Variants in CCDC186 observed in about 807,000 individuals in gnomAD.
The protein encoded by CCDC186 is coiled-coil domain containing 186, also known as coiled-coil domain-containing protein 186.
A neutral mutation model predicts 113.7 loss-of-function variants in CCDC186; 49 were observed. That is an observed-to-expected ratio of 0.43 (90% CI 0.34 to 0.55). The LOEUF (loss-of-function observed/expected upper bound fraction) is 0.55. Among genes scored for constraint, CCDC186 ranks in the 20% least tolerant of loss-of-function variants. The pLI is 0.02. For missense variants in CCDC186, 890 were observed against 1,011.1 expected (o/e 0.88, Z 1.62); for synonymous variants, 355 against 345.8 (o/e 1.03, Z -0.30).
chr10:114,161,713 G>A (rs1397933046), intron 2 of CCDC186: 1 of 152,142 alleles, frequency 6.6e-6, no homozygotes, highest in East Asian at 1.9e-4. Flanking sequence ...GAAGGGCCTT[G>A]GAGTCTTGAA....
Position 114,127,519 on chromosome 10 carries a change from T to A in CCDC186, c.2335A>T (p.Ile779Leu), listed in dbSNP as rs767718072. 31 of 1,614,114 alleles carry A rather than the reference T, an allele frequency of 1.9e-5. No individual in the cohort carries two copies. The South Asian group carries it at 3.2e-4, about 17-fold the overall frequency. Residue 779 changes from isoleucine (I) to leucine (L), a missense_variant, in exon 14 of 16, where the codon ATA (isoleucine) becomes TTA (leucine). Transcript: ENST00000369287. The stretch of plus-strand genomic sequence containing the variant: ...TTGATGTGGTCCTCCATAAATTCTA[T>A]CTTTTCATTTTTCCGGGCATGTGCT... ...QKAHARKNEKIEFMEDHIKQL... is the reference protein window; with the variant it reads ...QKAHARKNEKLEFMEDHIKQL...
chr10:114,169,239 T>C (rs2032422620), intron 1 of CCDC186, among the ~76,000 whole-genome samples: 1 of 145,568 alleles, frequency 6.9e-6, no homozygotes, highest in African/African-American at 2.6e-5. Flanking sequence ...CCATTCTTTT[T>C]TTTTTTTTTT....
chr10:114,164,114 A>ATTT lies in CCDC186; in HGVS notation c.-61-788_-61-786dup, dbSNP rs35615169. Among the ~76,000 whole-genome samples, 142 of 79,216 alleles carry ATTT rather than the reference A, an allele frequency of 1.8e-3. 2 individuals carry two copies. Among genetic ancestry groups the ATTT allele is most frequent in the African/African-American group, 4.4e-3 (90 of 20,536 alleles). 52.0% of individuals were successfully genotyped at this position (79,216 alleles called of 152,430 possible). ...TGTGTGTGTGTGTGTATATATATAT[A>ATTT]TTTTTTTTTTTTTTTTTTTTTTTGG... On this transcript the variant is annotated intron_variant, in intron 1 of 15. Transcript: ENST00000369287.
chr10:114,149,778 CAGGAAGGCAGGA>C (rs1564912948), intron 4 of CCDC186, among the ~76,000 whole-genome samples: 7 of 14,508 alleles, frequency 4.8e-4, no homozygotes, highest in East Asian at 0.014. Flanking sequence ...GGAAGGAAGG[CAGGAAGGCAGGA>C]AGGAAGGAAG....
chr10:114,172,637 C>A (rs78097675), intron 1 of CCDC186, among the ~76,000 whole-genome samples: 2,503 of 152,260 alleles, frequency 0.016, 69 homozygotes, highest in African/African-American at 0.055. Context: ...CAGGGAGAAT[C>A]TTCAGTAATC....
chr10:114,123,175 C>A lies in CCDC186; in HGVS notation c.*1968G>T, dbSNP rs2030783806. Reference sequence around the variant, plus strand: ...GAGTGTTAAGTAGTGTGTCTAGAAACAAATAGTAAAATAATTCAGATTTGA... The same window carrying A: ...GAGTGTTAAGTAGTGTGTCTAGAAAAAAATAGTAAAATAATTCAGATTTGA... On this transcript the variant is annotated 3_prime_UTR_variant, in exon 16 of 16. Transcript: ENST00000369287. 1 of 152,472 alleles carries A rather than the reference C, an allele frequency of 6.6e-6. No individual in the cohort carries two copies. The highest frequency in any genetic ancestry group is 2.1e-4 in the South Asian group (1 of 4,830). The allele number at this position is 152,472 out of a possible 1,614,324, so 9.4% of individuals were successfully genotyped here.
Position 114,122,335 on chromosome 10 carries a change from C to T in CCDC186, c.*2808G>A, listed in dbSNP as rs1213213530. ...GATAGAAAGTAAAAACAAAAAAACC[C>T]CATCAAAGTTCAAATTCATTCTTCT... On this transcript the variant is annotated 3_prime_UTR_variant, in exon 16 of 16. Transcript: ENST00000369287. 6.6e-6 allele frequency: 1 copy of T among 152,084 alleles called. No individual in the cohort carries two copies. Among genetic ancestry groups the T allele is most frequent in the African/African-American group, 2.4e-5 (1 of 41,402 alleles). 9.4% of individuals were successfully genotyped at this position (152,084 alleles called of 1,614,324 possible). A position where few individuals can be genotyped will look rare whatever the true frequency, so the allele number is the denominator to read the frequency against.
At position 114,127,625 on chromosome 10, in the gene CCDC186, A is replaced by G. The variant is rs774851809; in HGVS notation, c.2229T>C (p.Asn743=). 1 of 1,614,022 alleles carries G rather than the reference A, an allele frequency of 6.2e-7. No individual in the cohort carries two copies. Among genetic ancestry groups the G allele is most frequent in the Non-Finnish European group, 8.5e-7 (1 of 1,179,990 alleles). ...TATCCACAGCTACTGAGGACCCAGT[A>G]TTTTCTGGAGATCGATCTTCTGCAC... ...RSSAEDRSPE[N]TGSSVAVDNF... is the part of the protein sequence containing the mutation. The change falls in exon 14 of 16, where the codon AAT becomes AAC. Residue 743 remains asparagine (N), a synonymous_variant. Transcript: ENST00000369287.
chr10:114,134,811 T>C (rs1340682350), intron 10 of CCDC186, 102 bp downstream of exon 10: 4 of 1,310,982 alleles, frequency 3.1e-6, no homozygotes, highest in Non-Finnish European at 3.1e-6. Flanking sequence ...GCTAGTAAAA[T>C]TGTAAAATTT....
intron 3 of CCDC186, among the ~76,000 whole-genome samples, chr10:114,153,161 C>T (rs1268775266): frequency 5.9e-5 from 9 of 152,266 alleles, no homozygotes; most frequent in African/African-American, 9.6e-5. Flanking sequence ...GCAGTGTATA[C>T]GTTTTCATCT....
At chr10:114,144,427 AAAAAC>A (rs2031571078) in intron 6 of CCDC186, 65 bp downstream of exon 6, 16 of 1,489,432 alleles carry the variant, frequency 1.1e-5, no homozygotes, top group Admixed American at 7.0e-5. Flanking sequence ...GTCTCAAAAA[AAAAAC>A]AAAAACAAAA....
chr10:114,126,858 T>C (rs1277661144), intron 14 of CCDC186, among the ~76,000 whole-genome samples: 2 of 152,198 alleles, frequency 1.3e-5, no homozygotes, highest in African/African-American at 2.4e-5. Context: ...TAAAACAGAA[T>C]TTGTGAGAGG....
At chr10:114,169,804 C>G (rs2032441605) in intron 1 of CCDC186, among the ~76,000 whole-genome samples, 1 of 152,184 alleles carries the variant, frequency 6.6e-6, no homozygotes. Flanking sequence ...CGCATCCACA[C>G]AGTTCAATGT....
At chr10:114,169,908 T>C (rs1265967067) in intron 1 of CCDC186, among the ~76,000 whole-genome samples, 1 of 152,202 alleles carries the variant, frequency 6.6e-6, no homozygotes, top group Non-Finnish European at 1.5e-5. Flanking sequence ...CTTATTTATT[T>C]ATGTGTAGAA....
At chr10:114,152,158 C>G (rs1188954987) in intron 3 of CCDC186, among the ~76,000 whole-genome samples, 1 of 152,008 alleles carries the variant, frequency 6.6e-6, no homozygotes, top group Non-Finnish European at 1.5e-5. Context: ...ATGGTCAACA[C>G]AGCAAGACCC....
At position 114,158,439 on chromosome 10, in the gene CCDC186, C is replaced by T. The variant is rs114249151; in HGVS notation, c.633-759G>A. The stretch of plus-strand genomic sequence containing the variant: ...CTAATTAGCAATAGCTGTAACCTAA[C>T]ATTTATTGCACACTTGCTATTGGCT... On this transcript the variant is annotated intron_variant, in intron 2 of 15. Coordinates refer to ENST00000369287, the MANE Select transcript of CCDC186 (RefSeq NM_018017.4). Among the ~76,000 whole-genome samples the T allele has an allele frequency of 8.7e-3, 1,323 of 152,204 alleles. 12 individuals are homozygous for T. Among genetic ancestry groups the T allele is most frequent in the African/African-American group, 0.03 (1,262 of 41,524 alleles).
rs758867795 is a variant in CCDC186 at position 114,121,615 on chromosome 10, G to A, written c.*3528C>T. On this transcript the variant is annotated 3_prime_UTR_variant, in exon 16 of 16. Transcript: ENST00000369287. Reference sequence around the variant, plus strand: ...CAAACTATGATAAAAGTTAGGAAACGTGCAGAACCACCAGGAAAACAGCAA... The same window carrying A: ...CAAACTATGATAAAAGTTAGGAAACATGCAGAACCACCAGGAAAACAGCAA... The A allele has an allele frequency of 1.6e-4, 25 of 152,050 alleles. No individual in the cohort carries two copies. Among genetic ancestry groups the A allele is most frequent in the South Asian group, 6.2e-4 (3 of 4,802 alleles). The allele number at this position is 152,050 out of a possible 1,614,324, so 9.4% of individuals were successfully genotyped here. A position where few individuals can be genotyped will look rare whatever the true frequency, so the allele number is the denominator to read the frequency against.
chr10:114,127,127 T>C, intron 14 of CCDC186, among the ~76,000 whole-genome samples: 1 of 152,122 alleles, frequency 6.6e-6, no homozygotes, highest in East Asian at 1.9e-4. Flanking sequence ...GGAAAAAAAA[T>C]CCACAACCCC....
Position 114,145,619 on chromosome 10 carries a change from T to G in CCDC186, c.1031A>C (p.Glu344Ala). ...KKLRDANKEL[E>A]KNTNKIKQLS... The stretch of plus-strand genomic sequence containing the variant: ...CTGCTTAATTTTGTTAGTGTTTTTC[T>G]CAAGTTCCTTATTTGCATCTCTAAG... Residue 344 changes from glutamate to alanine, a missense_variant, in exon 5 of 16, where the codon GAG becomes GCG. By Grantham distance (107) the Glu-to-Ala change is moderately radical (BLOSUM62 -1). Transcript: ENST00000369287. 3 of 1,613,342 alleles carry G rather than the reference T, an allele frequency of 1.9e-6. No individual in the cohort carries two copies. The East Asian group carries it at 6.7e-5, about 36-fold the overall frequency.
Sources: allele counts gnomAD v4.1 joint callset (sites outside exome capture counted in the v4.1 genomes callset), GRCh38; gene constraint gnomAD v4.1.1; transcripts MANE v1.5; gene names NCBI Gene and HGNC (gene_info 2026-07-23, HGNC 2026-07-21).